Variants in GLIS1 observed in about 807,000 individuals in gnomAD.
GLIS1 encodes zinc finger protein GLIS1.
A neutral mutation model predicts 63.8 loss-of-function variants in GLIS1; 24 were observed. The observed-to-expected ratio is 0.38, with a 90% CI of 0.27 to 0.53. The LOEUF is 0.53. Among genes scored for constraint, GLIS1 ranks in the 20% least tolerant of loss-of-function variants. GLIS1 has a pLI of 0.85. For missense variants in GLIS1, 1,036 were observed against 1,074.1 expected, an observed-to-expected ratio of 0.96 and a Z score of 0.50; for synonymous variants, 450 against 482.5, an observed-to-expected ratio of 0.93 and a Z score of 0.88.
chr1:53,635,962 C>A (rs1000542166), intron 2 of GLIS1, among the ~76,000 whole-genome samples: 1 of 152,104 alleles, frequency 6.6e-6, no homozygotes, highest in Non-Finnish European at 1.5e-5. Flanking sequence ...TAAATCTTCC[C>A]ATAAAGAAAA....
At chr1:53,660,447 C>T (rs1646014637) in intron 2 of GLIS1, among the ~76,000 whole-genome samples, 1 of 152,238 alleles carries the variant, frequency 6.6e-6, no homozygotes, top group Non-Finnish European at 1.5e-5. Flanking sequence ...AGGAAGCTAG[C>T]TCCAAGACTG....
chr1:53,508,340 C>T (rs1179513094), intron 10 of GLIS1, among the ~76,000 whole-genome samples: 2 of 152,178 alleles, frequency 1.3e-5, no homozygotes, highest in African/African-American at 4.8e-5. Context: ...CAGTGCTTGT[C>T]CCTATATACC....
chr1:53,671,490 G>A (rs2100396691), intron 2 of GLIS1, among the ~76,000 whole-genome samples: 1 of 152,340 alleles, frequency 6.6e-6, no homozygotes, highest in Non-Finnish European at 1.5e-5. Context: ...TTGGCTCCTG[G>A]AAACGAGAGG....
At chr1:53,702,718 C>T (rs572441027) in intron 2 of GLIS1, among the ~76,000 whole-genome samples, 4 of 152,264 alleles carry the variant, frequency 2.6e-5, no homozygotes, top group African/African-American at 4.8e-5. Context: ...ACGACTGTGT[C>T]GACAAGGTCT....
chr1:53,728,597 TA>T (rs1261630793), intron 2 of GLIS1, among the ~76,000 whole-genome samples: 1 of 152,194 alleles, frequency 6.6e-6, no homozygotes, highest in Non-Finnish European at 1.5e-5. Context: ...ACATTTCTTA[TA>T]TACAAACTTC....
chr1:53,548,412 G>A (rs934507852), intron 4 of GLIS1, among the ~76,000 whole-genome samples: 25 of 152,184 alleles, frequency 1.6e-4, no homozygotes, highest in African/African-American at 5.3e-4. Context: ...ACGAGAGAAG[G>A]GCCACATATC....
At chr1:53,710,825 A>T (rs1376145369) in intron 2 of GLIS1, among the ~76,000 whole-genome samples, 1 of 152,184 alleles carries the variant, frequency 6.6e-6, no homozygotes, top group Non-Finnish European at 1.5e-5. Context: ...CCTCCCACGC[A>T]TGTGAATGTT....
intron 5 of GLIS1, among the ~76,000 whole-genome samples, chr1:53,528,611 CTT>C (rs888286042): frequency 8.5e-5 from 13 of 152,154 alleles, no homozygotes; most frequent in African/African-American, 2.7e-4. Flanking sequence ...GGCACTGAAT[CTT>C]TTCTGGATCT....
chr1:53,663,482 C>T (rs574554293), intron 2 of GLIS1, among the ~76,000 whole-genome samples: 2 of 152,344 alleles, frequency 1.3e-5, no homozygotes, highest in South Asian at 2.1e-4. Flanking sequence ...ACAACTGTGC[C>T]GCTGGACAGA....
chr1:53,645,149 T>A (rs1432062827), intron 2 of GLIS1, among the ~76,000 whole-genome samples: 1 of 152,232 alleles, frequency 6.6e-6, no homozygotes, highest in Non-Finnish European at 1.5e-5. Context: ...GCAATTGATG[T>A]GTGCGCTCTG....
intron 2 of GLIS1, among the ~76,000 whole-genome samples, chr1:53,706,691 A>G (rs547256355): frequency 6.6e-6 from 1 of 152,218 alleles, no homozygotes; most frequent in Non-Finnish European, 1.5e-5. Flanking sequence ...ATTGTCTGTC[A>G]TGTTCCATTA....
chr1:53,662,260 G>A lies in GLIS1; in HGVS notation c.260-61982C>T, dbSNP rs557163156. Among the ~76,000 whole-genome samples the A allele has an allele frequency of 3.3e-5, 5 of 152,322 alleles. No homozygotes were observed. The South Asian group carries it at 1.0e-3, about 32-fold the overall frequency. ...AGCCACAGCGAGGACACTCGGCAAA[G>A]CACTATAAAAACATGCAGCATTATC... On this transcript the variant is annotated intron_variant, in intron 2 of 10. Coordinates refer to ENST00000628545, the MANE Select transcript of GLIS1 (RefSeq NM_001367484.1).
intron 1 of GLIS1, among the ~76,000 whole-genome samples, chr1:53,738,459 G>T (rs143108522): frequency 1.1e-4 from 17 of 152,324 alleles, no homozygotes; most frequent in Non-Finnish European, 1.2e-4. Flanking sequence ...GCGTCCCCCA[G>T]TGGAACACGG....
At chr1:53,520,838 G>T in intron 6 of GLIS1, 72 bp from the exon 7 acceptor site, 1 of 1,485,052 alleles carries the variant, frequency 6.7e-7, no homozygotes, top group South Asian at 1.4e-5. Flanking sequence ...CACGTTAGGG[G>T]ACAGGGCAGA....
At chr1:53,713,078 A>G (rs1646661998) in intron 2 of GLIS1, among the ~76,000 whole-genome samples, 1 of 152,280 alleles carries the variant, frequency 6.6e-6, no homozygotes, top group Non-Finnish European at 1.5e-5. Context: ...TGTAGAAAGA[A>G]GAGGTGACAA....
chr1:53,554,330 T>C (rs995413187), intron 4 of GLIS1, among the ~76,000 whole-genome samples: 1 of 152,074 alleles, frequency 6.6e-6, no homozygotes, highest in Non-Finnish European at 1.5e-5. Context: ...ACAGCCTGAA[T>C]CCAAGTCCTT....
chr1:53,665,965 T>C (rs58581515), intron 2 of GLIS1, among the ~76,000 whole-genome samples: 1,680 of 152,082 alleles, frequency 0.011, 27 homozygotes, highest in African/African-American at 0.039. Flanking sequence ...AAAGAGAAAA[T>C]GGGTATTAAC....
chr1:53,555,076 C>T (rs192417243), intron 4 of GLIS1, among the ~76,000 whole-genome samples: 1 of 152,302 alleles, frequency 6.6e-6, no homozygotes, highest in East Asian at 1.9e-4. Context: ...CAGAAAGAAC[C>T]CCATGCACTC....
intron 2 of GLIS1, among the ~76,000 whole-genome samples, chr1:53,634,688 T>G (rs1645704471): frequency 1.3e-5 from 2 of 152,134 alleles, no homozygotes; most frequent in Non-Finnish European, 2.9e-5. Flanking sequence ...CCCACCGCTA[T>G]TCCAGCCACT....
Sources: gnomAD v4.1 joint callset for allele counts (sites outside exome capture counted in the v4.1 genomes callset) on GRCh38, gnomAD v4.1.1 for gene constraint, MANE v1.5 for transcripts, NCBI Gene and HGNC (gene_info 2026-07-23, HGNC 2026-07-21) for gene names.